Variants in GALM observed in about 807,000 individuals in gnomAD.
The protein encoded by GALM is galactose mutarotase, also known as aldose 1-epimerase.
A neutral mutation model predicts 37.4 loss-of-function variants in GALM; 43 were observed. The observed-to-expected ratio is 1.15, with a 90% confidence interval of 0.90 to 1.48. The LOEUF is 1.48. Among genes scored for constraint, GALM ranks in the 40% most tolerant of loss-of-function variants. The pLI, the probability that GALM is intolerant of heterozygous loss-of-function variation, is 0.00. For missense variants in GALM, 456 were observed against 419.1 expected, an observed-to-expected ratio of 1.09 and a Z score of -0.77; for synonymous variants, 199 against 170.6, an observed-to-expected ratio of 1.17 and a Z score of -1.30.
chr2:38,666,380 G>T, intron 1 of GALM, 29 bp downstream of exon 1: 1 of 1,553,142 alleles, frequency 6.4e-7, no homozygotes, highest in South Asian at 1.2e-5. Flanking sequence ...TGGGCTGCGA[G>T]CAGGCCCCAG....
intron 4 of GALM, among the ~76,000 whole-genome samples, chr2:38,690,204 G>A (rs1665639970): frequency 6.6e-6 from 1 of 152,070 alleles, no homozygotes; most frequent in Admixed American, 6.6e-5. Context: ...GGGCGCGGTG[G>A]CTCACGCCTG....
At chr2:38,723,135 C>CA (rs1478339037) in intron 4 of GALM, among the ~76,000 whole-genome samples, 1 of 152,190 alleles carries the variant, frequency 6.6e-6, no homozygotes, top group Non-Finnish European at 1.5e-5. Flanking sequence ...AAATAGGGCA[C>CA]AATTCTTGCC....
intron 3 of GALM, among the ~76,000 whole-genome samples, chr2:38,685,794 G>A (rs1163843349): frequency 6.6e-6 from 1 of 150,830 alleles, no homozygotes; most frequent in Non-Finnish European, 1.5e-5. Context: ...CTCGGCTCAC[G>A]GCAATCTCCG....
intron 4 of GALM, among the ~76,000 whole-genome samples, chr2:38,719,668 G>C (rs1666336820): frequency 6.6e-6 from 1 of 150,988 alleles, no homozygotes; most frequent in East Asian, 2.0e-4. Flanking sequence ...TCAGCTACTT[G>C]GGAGCTGAGG....
At chr2:38,673,735 G>A (rs544801625) in intron 1 of GALM, among the ~76,000 whole-genome samples, 109 of 151,776 alleles carry the variant, frequency 7.2e-4, no homozygotes, top group African/African-American at 2.5e-3. Flanking sequence ...GCGTGAACCT[G>A]GGAGGCGGAG....
chr2:38,725,854 G>C (rs1385755080), intron 4 of GALM, among the ~76,000 whole-genome samples: 2 of 151,992 alleles, frequency 1.3e-5, no homozygotes, highest in Non-Finnish European at 2.9e-5. Context: ...TGATATTACA[G>C]GTATGCGCCA....
chr2:38,676,737 T>C (rs1318029622), intron 2 of GALM, among the ~76,000 whole-genome samples: 2 of 152,166 alleles, frequency 1.3e-5, no homozygotes, highest in Non-Finnish European at 2.9e-5. Flanking sequence ...CACTCCAGCC[T>C]GGGCAACAGA....
intron 4 of GALM, among the ~76,000 whole-genome samples, chr2:38,691,477 C>T (rs1022415314): frequency 3.3e-5 from 5 of 151,256 alleles, no homozygotes; most frequent in African/African-American, 7.3e-5. Context: ...CCCAGGAGTT[C>T]GAGACCAGAC....
chr2:38,667,994 C>G (rs921130357), intron 1 of GALM, among the ~76,000 whole-genome samples: 1 of 152,284 alleles, frequency 6.6e-6, no homozygotes, highest in South Asian at 2.1e-4. Flanking sequence ...ACAGGCCTTG[C>G]CGAGTTTCCC....
intron 4 of GALM, among the ~76,000 whole-genome samples, chr2:38,727,710 G>A (rs1226474550): frequency 6.7e-6 from 1 of 149,896 alleles, no homozygotes; most frequent in African/African-American, 2.5e-5. Flanking sequence ...AGGCAACAGA[G>A]GGAGACTACG....
intron 2 of GALM, among the ~76,000 whole-genome samples, chr2:38,679,859 G>C (rs13383762): frequency 0.11 from 16,396 of 152,162 alleles, 1,002 homozygotes; most frequent in East Asian, 0.22. Context: ...TGTGAAGTTT[G>C]TAGCAAAGAG....
chr2:38,684,872 G>A (rs1160151613), intron 3 of GALM, among the ~76,000 whole-genome samples: 1 of 152,080 alleles, frequency 6.6e-6, no homozygotes, highest in Non-Finnish European at 1.5e-5. Flanking sequence ...TATGAAAGCA[G>A]GTCTGGGGGA....
chr2:38,726,970 C>T (rs1452383745), intron 4 of GALM, among the ~76,000 whole-genome samples: 1 of 151,840 alleles, frequency 6.6e-6, no homozygotes, highest in African/African-American at 2.4e-5. Context: ...AATCCCAGCA[C>T]TTTGGGAGGC....
At chr2:38,726,469 G>A (rs552913445) in intron 4 of GALM, among the ~76,000 whole-genome samples, 2 of 151,770 alleles carry the variant, frequency 1.3e-5, no homozygotes, top group East Asian at 2.0e-4. Context: ...CTCGTGATCC[G>A]CCCGCCTCGG....
chr2:38,695,716 C>T (rs543017336), intron 4 of GALM, among the ~76,000 whole-genome samples: 45 of 152,128 alleles, frequency 3.0e-4, no homozygotes, highest in Non-Finnish European at 4.9e-4. Flanking sequence ...TTTTTTGAGA[C>T]GGAGTCTCAC....
chr2:38,671,183 T>C (rs1665090031), intron 1 of GALM, among the ~76,000 whole-genome samples: 1 of 152,234 alleles, frequency 6.6e-6, no homozygotes, highest in African/African-American at 2.4e-5. Flanking sequence ...TGAAAAATAG[T>C]ATTTTCTGCA....
chr2:38,733,579 T>C lies in GALM; in HGVS notation c.*14T>C, dbSNP rs1426819938. On this transcript the variant is annotated 3_prime_UTR_variant, in exon 7 of 7. Coordinates refer to ENST00000272252, the MANE Select transcript of GALM (RefSeq NM_138801.3). The stretch of plus-strand genomic sequence containing the variant: ...TCTGTGGCTTAAGGAAGTGTGAAGA[T>C]ATGATCCAGTCCAGGGCTAGGCTCA... The C allele has an allele frequency of 6.2e-7, 1 of 1,600,584 alleles. No homozygotes were observed. The highest frequency in any genetic ancestry group is 1.3e-5 in the African/African-American group (1 of 74,760).
chr2:38,684,175 A>G (rs1024631741), intron 3 of GALM, among the ~76,000 whole-genome samples: 7 of 152,140 alleles, frequency 4.6e-5, no homozygotes, highest in Non-Finnish European at 1.5e-5. Flanking sequence ...TAAATTTAAT[A>G]AGTGGTATTT....
intron 4 of GALM, among the ~76,000 whole-genome samples, chr2:38,721,409 T>C (rs1057356719): frequency 1.3e-5 from 2 of 152,138 alleles, no homozygotes; most frequent in African/African-American, 2.4e-5. Context: ...TGTTAAGTCA[T>C]CCCCCGTCCC....
Sources: allele counts gnomAD v4.1 joint callset (sites outside exome capture counted in the v4.1 genomes callset), GRCh38; gene constraint gnomAD v4.1.1; transcripts MANE v1.5; gene names NCBI Gene and HGNC (gene_info 2026-07-23, HGNC 2026-07-21).